TUSC3: variants seen among roughly 807,000 people sequenced by gnomAD.
The protein encoded by TUSC3 is dolichyl-diphosphooligosaccharide--protein glycosyltransferase subunit TUSC3.
In TUSC3, 45 loss-of-function variants were observed where a neutral mutation model predicts 44.8. The observed-to-expected ratio is 1.00, with a 90% confidence interval of 0.79 to 1.29. The LOEUF (loss-of-function observed/expected upper bound fraction) is 1.29, where lower values mean the gene tolerates loss of function less well. TUSC3 is among the 50% of genes most tolerant of loss of function. The pLI, the probability that TUSC3 is intolerant of heterozygous loss-of-function variation, is 0.00. For synonymous variants in TUSC3, 212 were observed against 152.9 expected (o/e 1.39, Z -2.85); for missense variants, 519 against 437.9 (o/e 1.19, Z -1.65).
At chr8:15,600,516 G>A (rs985392922) in intron 1 of TUSC3, among the ~76,000 whole-genome samples, 5 of 151,504 alleles carry the variant, frequency 3.3e-5, no homozygotes, top group South Asian at 4.1e-4. Context: ...TATTGTGACC[G>A]TTAAATTTGT....
chr8:15,738,827 C>CTTT lies in TUSC3; in HGVS notation c.863-4690_863-4688dup, dbSNP rs375655033. 1.8e-3 allele frequency among the ~76,000 whole-genome samples: 153 copies of CTTT among 87,164 alleles called. 1 individual carries two copies. The highest frequency in any genetic ancestry group is 2.7e-3 in the African/African-American group (56 of 20,614). 57.2% of individuals were successfully genotyped at this position (87,164 alleles called of 152,430 possible). On this transcript the variant is annotated intron_variant, in intron 7 of 10. Transcript: ENST00000503731. Reference sequence around the variant, plus strand: ...ACAAAATTACTATTAATATATCTTGCTTTTTTTTTTTTTTTTTTTTTTTGA... The same window carrying CTTT: ...ACAAAATTACTATTAATATATCTTGCTTTTTTTTTTTTTTTTTTTTTTTTTTGA...
chr8:15,595,098 T>G (rs1027441705), intron 1 of TUSC3, among the ~76,000 whole-genome samples: 1 of 152,172 alleles, frequency 6.6e-6, no homozygotes, highest in Non-Finnish European at 1.5e-5. Context: ...TCTCAGAATA[T>G]TGCATTCCCA....
chr8:15,497,769 A>C (rs1845611), intron 2 of TUSC3, among the ~76,000 whole-genome samples: 4 of 151,030 alleles, frequency 2.6e-5, no homozygotes, highest in Non-Finnish European at 5.9e-5. Context: ...TTTTGAGACA[A>C]AGTCTCGCTC....
intron 1 of TUSC3, among the ~76,000 whole-genome samples, chr8:15,418,502 C>T (rs1376807866): frequency 1.3e-5 from 2 of 151,934 alleles, no homozygotes; most frequent in African/African-American, 4.8e-5. Flanking sequence ...ACAGGGCTGT[C>T]AAGAAAAACT....
the TUSC3 span, among the ~76,000 whole-genome samples, chr8:15,804,304 G>C: frequency 6.6e-6 from 1 of 152,270 alleles, no homozygotes; most frequent in African/African-American, 2.4e-5. Context: ...TCTGTTTATA[G>C]TTTGTTTTGC....
Position 15,540,406 on chromosome 8 carries a change from G to A in TUSC3, c.-25G>A, listed in dbSNP as rs77339286. The A allele has an allele frequency of 1.5e-5, 24 of 1,550,608 alleles. No individual in the cohort carries two copies. The highest frequency in any genetic ancestry group is 2.5e-5 in the East Asian group (1 of 40,452). ...AGCTGGGCGCGCACGGCTACCGCGC[G>A]TGGAGGAGACACTGCCCTGCCGCGA... On this transcript the variant is annotated 5_prime_UTR_variant, in exon 1 of 11. It adds an upstream start codon to the 5' untranslated region. Transcript: ENST00000503731.
chr8:15,696,657 G>T (rs1015459909), intron 6 of TUSC3, among the ~76,000 whole-genome samples: 2 of 152,132 alleles, frequency 1.3e-5, no homozygotes, highest in Non-Finnish European at 2.9e-5. Flanking sequence ...CTGTTCAGGT[G>T]GATTATCTGT....
chr8:15,835,445 G>T, the TUSC3 span, among the ~76,000 whole-genome samples: 1 of 151,660 alleles, frequency 6.6e-6, no homozygotes, highest in Non-Finnish European at 1.5e-5. Flanking sequence ...ATTGATTCCT[G>T]CCTTTATGTT....
chr8:15,453,632 CACAG>C (rs36084840), intron 1 of TUSC3, among the ~76,000 whole-genome samples: 30,456 of 152,062 alleles, frequency 0.2, 3,942 homozygotes, highest in Non-Finnish European at 0.28. Context: ...CTAGCCAAGA[CACAG>C]ACAAACACAA....
chr8:15,450,927 G>A (rs1203755092), intron 1 of TUSC3, among the ~76,000 whole-genome samples: 1 of 152,140 alleles, frequency 6.6e-6, no homozygotes, highest in Non-Finnish European at 1.5e-5. Flanking sequence ...GTTCTGGTCT[G>A]AGCAGCTTGC....
At chr8:15,572,757 C>T (rs1802926037) in intron 1 of TUSC3, among the ~76,000 whole-genome samples, 1 of 152,058 alleles carries the variant, frequency 6.6e-6, no homozygotes, top group Admixed American at 6.6e-5. Context: ...TGTTTTTATG[C>T]TTTAGGCAAT....
chr8:15,524,438 G>C (rs1012398129), intron 2 of TUSC3, among the ~76,000 whole-genome samples: 4 of 152,014 alleles, frequency 2.6e-5, no homozygotes, highest in Non-Finnish European at 5.9e-5. Flanking sequence ...ACTTATAACA[G>C]TAATAACGTC....
At position 15,764,935 on chromosome 8, in the gene TUSC3, T is replaced by C. The variant is rs1812286612; in HGVS notation, c.*779T>C. The stretch of plus-strand genomic sequence containing the variant: ...AGCAAACTTAACACACTATCCATTT[T>C]CGAGCAAACCTAACCCACTATATCC... On this transcript the variant is annotated 3_prime_UTR_variant, in exon 11 of 11. Transcript: ENST00000503731. The C allele has an allele frequency of 6.6e-6, 1 of 151,148 alleles. No individual in the cohort carries two copies. The highest frequency in any genetic ancestry group is 1.5e-5 in the Non-Finnish European group (1 of 67,930). 9.4% of individuals were successfully genotyped at this position (151,148 alleles called of 1,614,324 possible). A position where few individuals can be genotyped will look rare whatever the true frequency, so the allele number is the denominator to read the frequency against.
At chr8:15,544,201 G>T (rs967448347) in intron 1 of TUSC3, among the ~76,000 whole-genome samples, 1 of 151,988 alleles carries the variant, frequency 6.6e-6, no homozygotes, top group Non-Finnish European at 1.5e-5. Context: ...TGTATCATTT[G>T]CCTATCTAGT....
In TUSC3 at chr8:15,530,494, A is replaced by G. The variant is rs991609974; in HGVS notation, n.189+47011A>G. Among the ~76,000 whole-genome samples the G allele has an allele frequency of 5.1e-4, 78 of 152,282 alleles. 1 individual carries two copies. The highest frequency in any genetic ancestry group is 1.8e-3 in the African/African-American group (76 of 41,566). Reference sequence around the variant, plus strand: ...ATGGTACCATTATTATCCTCATTTTACAAATAAAGAAACTGAGCACAGAGA... The same window carrying G: ...ATGGTACCATTATTATCCTCATTTTGCAAATAAAGAAACTGAGCACAGAGA... On this transcript the variant is annotated intron_variant and non_coding_transcript_variant, in intron 2 of 5. Transcript: ENST00000503191.
At chr8:15,695,012 T>G (rs1002206507) in intron 6 of TUSC3, among the ~76,000 whole-genome samples, 5 of 152,208 alleles carry the variant, frequency 3.3e-5, no homozygotes, top group Admixed American at 6.5e-5. Context: ...GCCGGTGTCA[T>G]AGCAGGGGCA....
chr8:15,418,966 C>G (rs1007650275), intron 1 of TUSC3, among the ~76,000 whole-genome samples: 5 of 152,144 alleles, frequency 3.3e-5, no homozygotes, highest in Admixed American at 1.3e-4. Context: ...TGATCAAACA[C>G]TGCACTCCAG....
chr8:15,680,581 T>C (rs1480453625), intron 6 of TUSC3, among the ~76,000 whole-genome samples: 1 of 152,160 alleles, frequency 6.6e-6, no homozygotes, highest in East Asian at 1.9e-4. Flanking sequence ...GTCTTCTGTT[T>C]CTTTTTCTTG....
chr8:15,850,668 A>G, the TUSC3 span, among the ~76,000 whole-genome samples: 3 of 152,192 alleles, frequency 2.0e-5, no homozygotes, highest in Non-Finnish European at 4.4e-5. Flanking sequence ...TTAAAAGAAT[A>G]AAATGAAACA....
Sources: gnomAD v4.1 joint callset for allele counts (sites outside exome capture counted in the v4.1 genomes callset) on GRCh38, gnomAD v4.1.1 for gene constraint, MANE v1.5 for transcripts, NCBI Gene and HGNC (gene_info 2026-07-23, HGNC 2026-07-21) for gene names.